The following TRPS1 variants were observed in gnomAD, a reference collection of about 807,000 sequenced individuals.
The protein encoded by TRPS1 is zinc finger transcription factor Trps1.
In TRPS1, 6 loss-of-function variants were observed where a neutral mutation model predicts 101.2. The ratio of observed to expected loss-of-function variants is 0.06; its 90% CI spans 0.03 to 0.12. The LOEUF (loss-of-function observed/expected upper bound fraction) is 0.12. Among genes scored for constraint, TRPS1 ranks in the 10% least tolerant of loss-of-function variants. TRPS1 has a pLI of 1.00. For missense variants in TRPS1, 1,363 were observed against 1,567.0 expected, an observed-to-expected ratio of 0.87 and a Z score of 2.20; for synonymous variants, 578 against 589.8, an observed-to-expected ratio of 0.98 and a Z score of 0.29.
chr8:115,541,546 T>A (rs983814540), intron 5 of TRPS1, among the ~76,000 whole-genome samples: 1 of 152,208 alleles, frequency 6.6e-6, no homozygotes, highest in African/African-American at 2.4e-5. Flanking sequence ...GAAAACTCAA[T>A]AATTAAAAAT....
rs916224478 is a variant in TRPS1 at position 115,667,765 on chromosome 8, G to A, written c.-122+780C>T. On this transcript the variant is annotated intron_variant, in intron 1 of 6. Coordinates refer to ENST00000395715, the MANE Select transcript of TRPS1 (RefSeq NM_014112.5). ...GGAAAAAAGTTTGAAGCCTGCATTTGCAAACTCTTCAAAGCCAAAGGCAGT... is the reference window on the plus strand; with the variant it reads ...GGAAAAAAGTTTGAAGCCTGCATTTACAAACTCTTCAAAGCCAAAGGCAGT... 1.3e-4 allele frequency: 178 copies of A among 1,417,408 alleles called. No individual in the cohort carries two copies. In the African/African-American group the frequency reaches 2.4e-3, roughly 19 times the overall value. 87.8% of individuals were successfully genotyped at this position (1,417,408 alleles called of 1,614,324 possible). A position where few individuals can be genotyped will look rare whatever the true frequency, so the allele number is the denominator to read the frequency against.
chr8:115,658,969 C>T (rs1373033041), intron 1 of TRPS1, among the ~76,000 whole-genome samples: 2 of 151,920 alleles, frequency 1.3e-5, no homozygotes, highest in Non-Finnish European at 2.9e-5. Context: ...AAAGAAAAAG[C>T]AAAATATGTT....
chr8:115,439,463 G>A (rs1459144666), intron 5 of TRPS1, among the ~76,000 whole-genome samples: 1 of 152,176 alleles, frequency 6.6e-6, no homozygotes, highest in Non-Finnish European at 1.5e-5. Context: ...TAGGACAAAT[G>A]TGGTTAACTA....
intron 5 of TRPS1, among the ~76,000 whole-genome samples, chr8:115,517,717 A>G (rs1485670226): frequency 6.6e-6 from 1 of 151,746 alleles, no homozygotes; most frequent in Non-Finnish European, 1.5e-5. Flanking sequence ...TTAAAGCTCC[A>G]AATTCTGATT....
Position 115,466,309 on chromosome 8 carries a change from T to C in TRPS1, c.2701-47857A>G, listed in dbSNP as rs531673935. On this transcript the variant is annotated intron_variant, in intron 5 of 6. Transcript: ENST00000395715. The stretch of plus-strand genomic sequence containing the variant: ...AAGAAACTGGTATCAACAGTTTGAC[T>C]GAAAGGTTAAAGGGGAAACATAATT... Among the ~76,000 whole-genome samples the C allele has an allele frequency of 6.6e-5, 10 of 152,304 alleles. No individual in the cohort carries two copies. The South Asian group carries it at 1.9e-3, about 28-fold the overall frequency.
intron 4 of TRPS1, among the ~76,000 whole-genome samples, chr8:115,599,715 C>T (rs1817867496): frequency 6.6e-6 from 1 of 152,124 alleles, no homozygotes; most frequent in Non-Finnish European, 1.5e-5. Context: ...GTATATGTGC[C>T]ACATTTTCTT....
chr8:115,438,065 T>C (rs927853990), intron 5 of TRPS1, among the ~76,000 whole-genome samples: 2 of 152,084 alleles, frequency 1.3e-5, no homozygotes, highest in African/African-American at 4.8e-5. Flanking sequence ...CATCAACACA[T>C]ACACAAGAGT....
intron 5 of TRPS1, among the ~76,000 whole-genome samples, chr8:115,550,570 A>G (rs941564523): frequency 2.0e-5 from 3 of 152,196 alleles, no homozygotes; most frequent in Non-Finnish European, 4.4e-5. Flanking sequence ...TATAAATTGG[A>G]GTTGATCAAT....
In TRPS1 at chr8:115,415,185, C is replaced by G. The variant is rs1036170825; in HGVS notation, c.2824-101G>C. 4.0e-6 allele frequency: 5 copies of G among 1,241,162 alleles called. No individual in the cohort carries two copies. The African/African-American group carries it at 7.6e-5, about 19-fold the overall frequency. The allele number at this position is 1,241,162 out of a possible 1,614,324, so 76.9% of individuals were successfully genotyped here. A position where few individuals can be genotyped will look rare whatever the true frequency, so the allele number is the denominator to read the frequency against. ...ATATAAACCATGCTTAAGTTCAAAG[C>G]AGGGATAGGCTTTCTGCTGTAGATT... On this transcript the variant is annotated intron_variant, in intron 6 of 6. Coordinates refer to ENST00000395715, the MANE Select transcript of TRPS1 (RefSeq NM_014112.5).
chr8:115,530,751 T>TA (rs1381557447), intron 5 of TRPS1, among the ~76,000 whole-genome samples: 1 of 152,176 alleles, frequency 6.6e-6, no homozygotes, highest in Non-Finnish European at 1.5e-5. Context: ...TATGCAGCCA[T>TA]AAAAAATGAT....
At chr8:115,657,469 T>G (rs1481899065) in intron 1 of TRPS1, among the ~76,000 whole-genome samples, 1 of 152,152 alleles carries the variant, frequency 6.6e-6, no homozygotes, top group Admixed American at 6.5e-5. Flanking sequence ...ATTGAATTTA[T>G]AAGCTACCAG....
chr8:115,654,731 T>C (rs911405466), intron 1 of TRPS1, among the ~76,000 whole-genome samples: 1 of 152,178 alleles, frequency 6.6e-6, no homozygotes, highest in African/African-American at 2.4e-5. Flanking sequence ...GAATCCAACA[T>C]TACTATTGCT....
At chr8:115,471,355 G>A (rs1394172993) in intron 5 of TRPS1, among the ~76,000 whole-genome samples, 1 of 152,082 alleles carries the variant, frequency 6.6e-6, no homozygotes, top group Non-Finnish European at 1.5e-5. Flanking sequence ...GGGAAAAGCC[G>A]CTTATAAAGC....
chr8:115,414,978 T>C lies in TRPS1; in HGVS notation c.2930A>G (p.Asn977Ser), dbSNP rs1427693895. 13 of 1,582,696 alleles carry C rather than the reference T, an allele frequency of 8.2e-6. No homozygotes were observed. Among genetic ancestry groups the C allele is most frequent in the East Asian group, 2.2e-5 (1 of 44,704 alleles). The part of the protein sequence containing the change: ...NPEALQAEQL[N>S]KQQRGSNEEQ... The stretch of plus-strand genomic sequence containing the variant: ...CTCATTGCTGCCCCTCTGCTGTTTG[T>C]TGAGCTGCTCAGCCTGAAGTGCCTC... The change falls in exon 7 of 7, where the codon AAC (asparagine) becomes AGC (serine). Residue 977 changes from asparagine (N) to serine (S), a missense_variant. Coordinates refer to ENST00000395715, the MANE Select transcript of TRPS1 (RefSeq NM_014112.5). This position sits in a 1 kb window ranked among gnomAD's most constrained non-coding sequence, Gnocchi z 4.8.
chr8:115,502,522 G>A (rs962659795), intron 5 of TRPS1, among the ~76,000 whole-genome samples: 1 of 152,120 alleles, frequency 6.6e-6, no homozygotes, highest in African/African-American at 2.4e-5. Flanking sequence ...AAAGGCTATC[G>A]GCTATGACAG....
At chr8:115,654,904 A>AAT (rs1811645610) in intron 1 of TRPS1, among the ~76,000 whole-genome samples, 1 of 152,190 alleles carries the variant, frequency 6.6e-6, no homozygotes, top group Non-Finnish European at 1.5e-5. Context: ...ACTGCATCCT[A>AAT]ATAAATGACA....
At chr8:115,497,300 G>A (rs1405906022) in intron 5 of TRPS1, among the ~76,000 whole-genome samples, 3 of 152,120 alleles carry the variant, frequency 2.0e-5, no homozygotes, top group South Asian at 4.1e-4. Flanking sequence ...CTTTTCATGC[G>A]AAGTTCACAA....
intron 5 of TRPS1, among the ~76,000 whole-genome samples, chr8:115,482,101 A>G (rs1386305529): frequency 2.0e-5 from 3 of 152,182 alleles, no homozygotes; most frequent in African/African-American, 7.2e-5. Context: ...CTGGGGACTC[A>G]GTCAGGACTG....
rs74415946 is a variant in TRPS1, at chr8:115,616,914, C to T, written c.966+2218G>A. ...TTGGTATAAAAGGAAATTTCAGATG[C>T]GTTTTTATTCATTTTATGCATATAG... is the stretch of plus-strand genomic sequence containing the variant. On this transcript the variant is annotated intron_variant, in intron 3 of 6. Transcript: ENST00000395715. 5.3e-3 allele frequency among the ~76,000 whole-genome samples: 806 copies of T among 152,160 alleles called. 7 individuals carry two copies. The highest frequency in any genetic ancestry group is 0.018 in the African/African-American group (731 of 41,514).
Sources: allele counts gnomAD v4.1 joint callset (sites outside exome capture counted in the v4.1 genomes callset), GRCh38; gene constraint gnomAD v4.1.1; non-coding constraint Gnocchi (gnomAD v3.1); transcripts MANE v1.5; gene names NCBI Gene and HGNC (gene_info 2026-07-23, HGNC 2026-07-21).